Variants in LMTK2 observed in about 807,000 individuals in gnomAD.
The protein encoded by LMTK2 is serine/threonine-protein kinase LMTK2.
In LMTK2, 37 loss-of-function variants were observed where a neutral mutation model predicts 127.5. The observed-to-expected ratio is 0.29, with a 90% CI of 0.22 to 0.38. The LOEUF (loss-of-function observed/expected upper bound fraction) is 0.38. LMTK2 is among the 10% of genes least tolerant of loss of function. The pLI, the probability that LMTK2 is intolerant of heterozygous loss-of-function variation, is 1.00. For missense variants in LMTK2, 1,694 were observed against 1,920.3 expected (o/e 0.88, Z 2.20); for synonymous variants, 819 against 810.1 (o/e 1.01, Z -0.19).
intron 7 of LMTK2, among the ~76,000 whole-genome samples, chr7:98,175,745 G>A (rs1797267454): frequency 6.6e-6 from 1 of 152,204 alleles, no homozygotes; most frequent in Non-Finnish European, 1.5e-5. Flanking sequence ...AAGGCTTCAA[G>A]GGAAAGGAAC....
intron 11 of LMTK2, among the ~76,000 whole-genome samples, chr7:98,195,474 TAA>T (rs61553013): frequency 2.8e-5 from 4 of 144,092 alleles, no homozygotes; most frequent in South Asian, 2.2e-4. Context: ...AAGCATGCTT[TAA>T]AAAAAAAAAA....
At chr7:98,113,742 A>G (rs1409168740) in intron 1 of LMTK2, among the ~76,000 whole-genome samples, 2 of 152,208 alleles carry the variant, frequency 1.3e-5, no homozygotes, top group Non-Finnish European at 2.9e-5. Flanking sequence ...CTTTTCTTTG[A>G]ATCTTCTTAT....
intron 6 of LMTK2, among the ~76,000 whole-genome samples, chr7:98,165,632 C>G (rs922842546): frequency 6.6e-6 from 1 of 152,142 alleles, no homozygotes; most frequent in Admixed American, 6.5e-5. Context: ...TTTAATGCCA[C>G]TACCAGCGGG....
rs763851689 is a variant in LMTK2 at position 98,171,714 on chromosome 7, C to T, written c.791+40C>T. 21 of 1,519,338 alleles carry T rather than the reference C, an allele frequency of 1.4e-5. No individual in the cohort carries two copies. The highest frequency in any genetic ancestry group is 7.9e-5 in the South Asian group (6 of 76,388). The allele number at this position is 1,519,338 out of a possible 1,614,324, so 94.1% of individuals were successfully genotyped here. A position where few individuals can be genotyped will look rare whatever the true frequency, so the allele number is the denominator to read the frequency against. On this transcript the variant is annotated intron_variant, in intron 7 of 13. Transcript: ENST00000297293. The surrounding 1 kb of genome is among the most constrained non-coding windows in gnomAD (Gnocchi z 5.1). ...CAGCGGTGCACGCCCCACACAGCAC[C>T]GGCGGGACAGTCCAGAGAGGCTGCC...
chr7:98,111,037 A>G (rs1252563974), intron 1 of LMTK2, among the ~76,000 whole-genome samples: 1 of 152,266 alleles, frequency 6.6e-6, no homozygotes, highest in Non-Finnish European at 1.5e-5. Context: ...ATTTATAGCT[A>G]TAAATCTTGA....
chr7:98,109,983 A>G (rs186679332), intron 1 of LMTK2, among the ~76,000 whole-genome samples: 1 of 152,202 alleles, frequency 6.6e-6, no homozygotes, highest in Admixed American at 6.5e-5. Flanking sequence ...GTTACACGCC[A>G]AAAACCTAAC....
At chr7:98,119,557 A>T (rs1479128848) in intron 1 of LMTK2, among the ~76,000 whole-genome samples, 3 of 152,224 alleles carry the variant, frequency 2.0e-5, no homozygotes, top group African/African-American at 7.2e-5. Flanking sequence ...CTGTATGAAT[A>T]ATAGCTTCTT....
In LMTK2 at chr7:98,194,603, C is replaced by T. The variant is rs1797598829; in HGVS notation, c.4107+31C>T. 3.2e-6 allele frequency: 5 copies of T among 1,552,300 alleles called. No individual in the cohort carries two copies. The highest frequency in any genetic ancestry group is 4.3e-6 in the Non-Finnish European group (5 of 1,149,620). ...TGTTCCCTCTAAATCATTTTCTATACACATCCATATAAGGATTCCAAAATG... is the reference window on the plus strand; with the variant it reads ...TGTTCCCTCTAAATCATTTTCTATATACATCCATATAAGGATTCCAAAATG... On this transcript the variant is annotated intron_variant, in intron 11 of 13. Transcript: ENST00000297293. This position sits in a 1 kb window ranked among gnomAD's most constrained non-coding sequence, Gnocchi z 5.4.
chr7:98,194,232 TGAA>T lies in LMTK2; in HGVS notation c.3769_3771del (p.Lys1257del). 6.2e-7 allele frequency: 1 copy of T among 1,614,058 alleles called. No individual in the cohort carries two copies. Among genetic ancestry groups the T allele is most frequent in the Non-Finnish European group, 8.5e-7 (1 of 1,180,006 alleles). The stretch of plus-strand genomic sequence containing the variant: ...TCCAGCCACTCCGAGGGCCCGAAGT[TGAA>T]GGAGCCGGACATCGAAGGGAAGTAC... On this transcript the variant is annotated inframe_deletion, in exon 11 of 14. Transcript: ENST00000297293. The surrounding 1 kb of genome is among the most constrained non-coding windows in gnomAD (Gnocchi z 5.4).
At chr7:98,123,161 G>T (rs562908396) in intron 1 of LMTK2, among the ~76,000 whole-genome samples, 1 of 152,248 alleles carries the variant, frequency 6.6e-6, no homozygotes, top group African/African-American at 2.4e-5. Flanking sequence ...CCACATTGTG[G>T]GCTAATGTGC....
rs1797197091 is a variant in LMTK2 at position 98,171,813 on chromosome 7, C to T, written c.791+139C>T. The T allele has an allele frequency of 1.1e-6, 1 of 937,220 alleles. No individual in the cohort carries two copies. Among genetic ancestry groups the T allele is most frequent in the East Asian group, 2.8e-5 (1 of 35,692 alleles). The allele number at this position is 937,220 out of a possible 1,614,324, so 58.1% of individuals were successfully genotyped here. A position where few individuals can be genotyped will look rare whatever the true frequency, so the allele number is the denominator to read the frequency against. On this transcript the variant is annotated intron_variant, in intron 7 of 13. Coordinates refer to ENST00000297293, the MANE Select transcript of LMTK2 (RefSeq NM_014916.4). The surrounding 1 kb of genome is among the most constrained non-coding windows in gnomAD (Gnocchi z 5.1). ...TCATGTAGGTAGAAGCGATCTCGTT[C>T]TTACCCATGTCCGGATAAGGGTTGA...
In LMTK2 at chr7:98,171,589, G is replaced by A. The variant is rs771058238; in HGVS notation, c.706G>A (p.Asp236Asn). 2 of 1,613,428 alleles carry A rather than the reference G, an allele frequency of 1.2e-6. No homozygotes were observed. The highest frequency in any genetic ancestry group is 4.5e-5 in the East Asian group (2 of 44,876). Residue 236 changes from aspartate to asparagine, a missense_variant, in exon 7 of 14, where the codon GAC (aspartate) becomes AAC (asparagine). By Grantham distance (23) the Asp-to-Asn change is conservative (BLOSUM62 1). Transcript: ENST00000297293. The surrounding 1 kb of genome is among the most constrained non-coding windows in gnomAD (Gnocchi z 5.1). ...CAGCGAGCAGGAGCACATGCGGGGGGACTCACAGACCATGCTGCTGCAGAG... is the reference window on the plus strand; with the variant it reads ...CAGCGAGCAGGAGCACATGCGGGGGAACTCACAGACCATGCTGCTGCAGAG... ...LRSEQEHMRG[D>N]SQTMLLQRMA...
At chr7:98,130,675 G>A (rs974292730) in intron 1 of LMTK2, among the ~76,000 whole-genome samples, 2 of 152,162 alleles carry the variant, frequency 1.3e-5, no homozygotes, top group Non-Finnish European at 2.9e-5. Flanking sequence ...ACAGACACAC[G>A]TAGAGGGGAG....
Position 98,205,633 on chromosome 7 carries a change from G to A in LMTK2, c.*141G>A, listed in dbSNP as rs1013606131. 12 of 916,334 alleles carry A rather than the reference G, an allele frequency of 1.3e-5. No homozygotes were observed. The highest frequency in any genetic ancestry group is 2.0e-5 in the Non-Finnish European group (12 of 593,270). 56.8% of individuals were successfully genotyped at this position (916,334 alleles called of 1,614,324 possible). On this transcript the variant is annotated 3_prime_UTR_variant, in exon 14 of 14. Transcript: ENST00000297293. ...AGAATCCAGAGGTGAAGAGGGAGAC[G>A]GCTCTTAGCTGCGTTCAAGGCGGGG...
chr7:98,141,494 T>C lies in LMTK2; in HGVS notation c.329T>C (p.Val110Ala). 1 of 1,614,060 alleles carries C rather than the reference T, an allele frequency of 6.2e-7. No homozygotes were observed. Among genetic ancestry groups the C allele is most frequent in the Non-Finnish European group, 8.5e-7 (1 of 1,179,898 alleles). ...QSPAEVFTLS[V>A]PNISLPAPSQ... ...CCAGCAGAGGTCTTCACACTTTCAG[T>C]ACCAAATATTTCACTCCCAGCTCCC... Residue 110 changes from valine to alanine, a missense_variant, in exon 3 of 14, where the codon GTA becomes GCA. Coordinates refer to ENST00000297293, the MANE Select transcript of LMTK2 (RefSeq NM_014916.4).
rs538213471 is a variant in LMTK2 at position 98,192,815 on chromosome 7, C to G, written c.2350C>G (p.Gln784Glu). The G allele has an allele frequency of 6.2e-7, 1 of 1,613,630 alleles. No individual in the cohort carries two copies. Among genetic ancestry groups the G allele is most frequent in the Admixed American group, 1.7e-5 (1 of 59,986 alleles). The change falls in exon 11 of 14, where the codon CAG becomes GAG. Residue 784 changes from glutamine to glutamate, a missense_variant. Transcript: ENST00000297293. ...AENKPGLSLLQENVSTKGDDT... is the reference protein window; with the variant it reads ...AENKPGLSLLEENVSTKGDDT... ...AAATAAGCCAGGCTTGTCTTTGTTG[C>G]AGGAAAACGTAAGCACAAAGGGTGA...
At chr7:98,198,971 G>C (rs2116477192) in intron 11 of LMTK2, among the ~76,000 whole-genome samples, 1 of 152,116 alleles carries the variant, frequency 6.6e-6, no homozygotes, top group South Asian at 2.1e-4. Context: ...ACTAATAATT[G>C]GTTAATATAG....
At chr7:98,203,151 AC>A (rs1160019513) in intron 11 of LMTK2, among the ~76,000 whole-genome samples, 3 of 151,988 alleles carry the variant, frequency 2.0e-5, no homozygotes, top group African/African-American at 7.2e-5. Context: ...GCATCAGAAG[AC>A]CCCCTTCCTG....
chr7:98,106,910 C>T lies in LMTK2; in HGVS notation c.-268C>T. On this transcript the variant is annotated 5_prime_UTR_variant, in exon 1 of 14. Transcript: ENST00000297293. The stretch of plus-strand genomic sequence containing the variant: ...GCGGCGGGAGCGCGGCTTCCCAGGC[C>T]CGCCGCTCCGCAGGGCTGCTGGCGT... 1 of 444,932 alleles carries T rather than the reference C, an allele frequency of 2.2e-6. No individual in the cohort carries two copies. The highest frequency in any genetic ancestry group is 3.6e-5 in the East Asian group (1 of 28,078). The allele number at this position is 444,932 out of a possible 1,614,324, so 27.6% of individuals were successfully genotyped here.
Sources: gnomAD v4.1 joint callset for allele counts (sites outside exome capture counted in the v4.1 genomes callset) on GRCh38, gnomAD v4.1.1 for gene constraint, Gnocchi (gnomAD v3.1) non-coding constraint, MANE v1.5 for transcripts, NCBI Gene and HGNC (gene_info 2026-07-23, HGNC 2026-07-21) for gene names.